Variants in IKZF1 observed in about 807,000 individuals in gnomAD.
IKZF1 encodes IKAROS family zinc finger 1.
Under a neutral mutation model 51.7 loss-of-function variants are expected in IKZF1, and 10 were observed. The observed-to-expected ratio is 0.19, with a 90% confidence interval of 0.12 to 0.33. IKZF1 has a LOEUF of 0.33. IKZF1 is among the 10% of genes least tolerant of loss of function. The pLI is 1.00. For synonymous variants in IKZF1, 280 were observed against 282.3 expected, an observed-to-expected ratio of 0.99 and a Z score of 0.08; for missense variants, 484 against 707.5, an observed-to-expected ratio of 0.68 and a Z score of 3.58.
At chr7:50,386,766 T>C (rs1813500892) in intron 5 of IKZF1, among the ~76,000 whole-genome samples, 1 of 152,142 alleles carries the variant, frequency 6.6e-6, no homozygotes, top group Non-Finnish European at 1.5e-5. Flanking sequence ...AAGATATATT[T>C]ATATTATGTA....
chr7:50,327,082 C>T (rs1795219064), intron 2 of IKZF1, among the ~76,000 whole-genome samples: 1 of 152,080 alleles, frequency 6.6e-6, no homozygotes, highest in Non-Finnish European at 1.5e-5. Flanking sequence ...ATATAGATGC[C>T]TTTTATGCAG....
intron 3 of IKZF1, among the ~76,000 whole-genome samples, chr7:50,363,471 G>GCC (rs1239387691): frequency 6.6e-6 from 1 of 152,060 alleles, no homozygotes; most frequent in Non-Finnish European, 1.5e-5. Flanking sequence ...GGTGAAACGA[G>GCC]CCACTGAGGA....
At chr7:50,310,397 G>A (rs775118227) in intron 1 of IKZF1, among the ~76,000 whole-genome samples, 3 of 152,116 alleles carry the variant, frequency 2.0e-5, no homozygotes, top group Admixed American at 6.6e-5. Context: ...CCCACATTTC[G>A]CTCTCTTATG....
At chr7:50,310,382 A>G (rs1789868589) in intron 1 of IKZF1, among the ~76,000 whole-genome samples, 1 of 152,182 alleles carries the variant, frequency 6.6e-6, no homozygotes, top group Admixed American at 6.5e-5. Context: ...TTTAAAATGA[A>G]TTTTCCCACA....
rs367943812 is a variant in IKZF1, at chr7:50,400,018, C to T, written c.951C>T (p.Asn317=). 27 of 1,613,004 alleles carry T rather than the reference C, an allele frequency of 1.7e-5. No homozygotes were observed. Among genetic ancestry groups the T allele is most frequent in the Middle Eastern group, 3.3e-4 (2 of 6,082 alleles). Residue 317 remains asparagine, a synonymous_variant, in exon 8 of 8, where the codon AAC becomes AAT. Coordinates refer to ENST00000331340, the MANE Select transcript of IKZF1 (RefSeq NM_006060.6). The surrounding 1 kb of genome is among the most constrained non-coding windows in gnomAD (Gnocchi z 5.4). ...ACGTGATGGACCAAGCCATCAACAA[C>T]GCCATCAACTACCTGGGGGCCGAGT... ...KSHVMDQAIN[N]AINYLGAESL...
At position 50,399,973 on chromosome 7, in the gene IKZF1, G is replaced by C; in HGVS notation, c.906G>C (p.Glu302Asp). 1.2e-6 allele frequency: 2 copies of C among 1,613,556 alleles called. No individual in the cohort carries two copies. The highest frequency in any genetic ancestry group is 2.2e-5 in the South Asian group (2 of 90,888). The part of the protein sequence containing the change: ...PYDSSASYEK[E>D]NEMMKSHVMD... ...ACAGCAGCGCCAGCTACGAGAAGGA[G>C]AACGAAATGATGAAGTCCCACGTGA... Residue 302 changes from glutamate to aspartate, a missense_variant, in exon 8 of 8, where the codon GAG becomes GAC. Glu to Asp is a conservative substitution (Grantham distance 45). Coordinates refer to ENST00000331340, the MANE Select transcript of IKZF1 (RefSeq NM_006060.6).
rs56736921 is a variant in IKZF1, at chr7:50,307,891, C to T, written c.-15+2969C>T. 4.8e-3 allele frequency among the ~76,000 whole-genome samples: 724 copies of T among 152,232 alleles called. 36 individuals carry two copies. In the East Asian group the frequency reaches 0.12, roughly 24 times the overall value. On this transcript the variant is annotated intron_variant, in intron 1 of 7. Transcript: ENST00000331340. ...CAGAGCACCTAAAACCAAAGGATAT[C>T]GACAGTAACAAAGCTGTTTTTACTG...
intron 1 of IKZF1, among the ~76,000 whole-genome samples, chr7:50,305,488 A>G (rs568151691): frequency 6.6e-6 from 1 of 152,338 alleles, no homozygotes; most frequent in African/African-American, 2.4e-5. Context: ...ATATTTGTCA[A>G]GCATCGCTGC....
chr7:50,342,416 G>T (rs1236144739), intron 3 of IKZF1, among the ~76,000 whole-genome samples: 3 of 152,104 alleles, frequency 2.0e-5, no homozygotes. Context: ...TTTTAAGTTG[G>T]GAAGTCCTCT....
At chr7:50,334,716 A>T (rs1797230564) in intron 3 of IKZF1, among the ~76,000 whole-genome samples, 1 of 148,976 alleles carries the variant, frequency 6.7e-6, no homozygotes, top group African/African-American at 2.5e-5. Context: ...TGTGTATGGG[A>T]TGTGTGGTGT....
chr7:50,333,209 C>T (rs1413948038), intron 3 of IKZF1, among the ~76,000 whole-genome samples: 1 of 151,902 alleles, frequency 6.6e-6, no homozygotes, highest in Non-Finnish European at 1.5e-5. Flanking sequence ...CTTTACTCAG[C>T]CATGAGTTCT....
chr7:50,342,507 A>C (rs1283163804), intron 3 of IKZF1, among the ~76,000 whole-genome samples: 1 of 152,218 alleles, frequency 6.6e-6, no homozygotes, highest in Non-Finnish European at 1.5e-5. Flanking sequence ...GGCTGTAAGT[A>C]AACTAAGCTG....
intron 6 of IKZF1, among the ~76,000 whole-genome samples, chr7:50,387,685 G>A (rs745933915): frequency 3.9e-5 from 6 of 152,162 alleles, no homozygotes; most frequent in Non-Finnish European, 8.8e-5. Context: ...GAGAGAGCTT[G>A]ATTTTAAAAC....
intron 6 of IKZF1, among the ~76,000 whole-genome samples, chr7:50,390,783 A>G (rs1238585439): frequency 6.6e-6 from 1 of 152,254 alleles, no homozygotes; most frequent in Non-Finnish European, 1.5e-5. Context: ...ATGAAAATGT[A>G]GCTGAAATGG....
chr7:50,399,846 C>G (rs1817671202), intron 7 of IKZF1, 72 bp from the exon 8 acceptor site: 1 of 1,520,984 alleles, frequency 6.6e-7, no homozygotes, highest in South Asian at 1.3e-5. Context: ...TTGTAGATTT[C>G]AGCTGTTGCT....
At chr7:50,336,161 G>A (rs1037629143) in intron 3 of IKZF1, among the ~76,000 whole-genome samples, 1 of 152,160 alleles carries the variant, frequency 6.6e-6, no homozygotes, top group East Asian at 1.9e-4. Context: ...CCCGTGGCCA[G>A]GCTGGGTCCC....
chr7:50,355,335 C>G (rs1803000780), intron 3 of IKZF1, among the ~76,000 whole-genome samples: 1 of 152,216 alleles, frequency 6.6e-6, no homozygotes, highest in South Asian at 2.1e-4. Context: ...GAGTGGTCAT[C>G]ATTATCAGTG....
chr7:50,357,538 G>A (rs1031004465), intron 3 of IKZF1, among the ~76,000 whole-genome samples: 5 of 152,174 alleles, frequency 3.3e-5, no homozygotes, highest in African/African-American at 1.2e-4. Context: ...AGTACCCAGG[G>A]CTGCTGTGCA....
At chr7:50,323,918 A>T (rs1238260524) in intron 2 of IKZF1, among the ~76,000 whole-genome samples, 1 of 152,046 alleles carries the variant, frequency 6.6e-6, no homozygotes, top group African/African-American at 2.4e-5. Context: ...TCCTTTTTCC[A>T]CTTGAGGAAA....
Sources: gnomAD v4.1 joint callset for allele counts (sites outside exome capture counted in the v4.1 genomes callset) on GRCh38, gnomAD v4.1.1 for gene constraint, Gnocchi (gnomAD v3.1) non-coding constraint, MANE v1.5 for transcripts, NCBI Gene and HGNC (gene_info 2026-07-23, HGNC 2026-07-21) for gene names.